ANKRD44: variants seen among roughly 807,000 people sequenced by gnomAD.
ANKRD44 encodes the protein serine/threonine-protein phosphatase 6 regulatory ankyrin repeat subunit B.
Under a neutral mutation model 116.0 loss-of-function variants are expected in ANKRD44, and 35 were observed. The ratio of observed to expected loss-of-function variants is 0.30; its 90% CI spans 0.23 to 0.40. The LOEUF (loss-of-function observed/expected upper bound fraction) is 0.40. ANKRD44 is among the 10% of genes least tolerant of loss of function. The pLI is 1.00. For synonymous variants in ANKRD44, 435 were observed against 461.8 expected, an observed-to-expected ratio of 0.94 and a Z score of 0.74; for missense variants, 1,014 against 1,242.6, an observed-to-expected ratio of 0.82 and a Z score of 2.77.
Position 197,219,553 on chromosome 2 carries a change from T to C in ANKRD44, c.28-32447A>G, listed in dbSNP as rs530160096. ...ATTCCTGACTAATAAATGCATCATATACATTAGTAAAGGTAAGAAATTCAG... is the reference window on the plus strand; with the variant it reads ...ATTCCTGACTAATAAATGCATCATACACATTAGTAAAGGTAAGAAATTCAG... On this transcript the variant is annotated intron_variant, in intron 1 of 27. Transcript: ENST00000282272. Among the ~76,000 whole-genome samples, 5 of 152,284 alleles carry C rather than the reference T, an allele frequency of 3.3e-5. No individual in the cohort carries two copies. The South Asian group carries it at 8.3e-4, about 25-fold the overall frequency.
At chr2:197,121,567 G>C in intron 7 of ANKRD44, 23 bp from the exon 8 acceptor site, 2 of 1,602,334 alleles carry the variant, frequency 1.2e-6, no homozygotes, top group Non-Finnish European at 1.7e-6. Flanking sequence ...CCAACACAGG[G>C]TGATTAAAGT....
chr2:197,305,168 C>G (rs554023881), intron 1 of ANKRD44, among the ~76,000 whole-genome samples: 1 of 151,858 alleles, frequency 6.6e-6, no homozygotes, highest in Non-Finnish European at 1.5e-5. Context: ...AATGTTGTTT[C>G]ATACATGATG....
At chr2:197,103,856 T>C (rs996718289) in intron 9 of ANKRD44, among the ~76,000 whole-genome samples, 2 of 152,186 alleles carry the variant, frequency 1.3e-5, no homozygotes, top group African/African-American at 4.8e-5. Context: ...TGTGTAGAAT[T>C]TTCCCATGGT....
chr2:197,102,777 A>G (rs1392505636), intron 9 of ANKRD44, among the ~76,000 whole-genome samples: 3 of 152,250 alleles, frequency 2.0e-5, no homozygotes, highest in Non-Finnish European at 4.4e-5. Context: ...CCTCAAACAT[A>G]CAAACAAACT....
At chr2:197,104,423 C>T (rs149911214) in intron 9 of ANKRD44, among the ~76,000 whole-genome samples, 258 of 152,296 alleles carry the variant, frequency 1.7e-3, no homozygotes, top group African/African-American at 5.7e-3. Flanking sequence ...ACCCAGGCAG[C>T]AACATTTTTA....
At chr2:197,177,621 T>C (rs2080398826) in intron 2 of ANKRD44, among the ~76,000 whole-genome samples, 1 of 152,164 alleles carries the variant, frequency 6.6e-6, no homozygotes, top group African/African-American at 2.4e-5. Flanking sequence ...TATATTTATA[T>C]AAATTTTTTA....
Position 197,234,194 on chromosome 2 carries a change from AT to A in ANKRD44, c.28-47089del, listed in dbSNP as rs11436827. On this transcript the variant is annotated intron_variant, in intron 1 of 27. Coordinates refer to ENST00000282272, the MANE Select transcript of ANKRD44 (RefSeq NM_001195144.2). ...CTGTATGTGCAGTCATAAGTCATAGATTTTTTTTTTTTTTTTGAGACAGGGA... is the reference window on the plus strand; with the variant it reads ...CTGTATGTGCAGTCATAAGTCATAGATTTTTTTTTTTTTTTGAGACAGGGA... Among the ~76,000 whole-genome samples, 661 of 144,192 alleles carry A rather than the reference AT, an allele frequency of 4.6e-3. 1 individual carries two copies. The highest frequency in any genetic ancestry group is 6.9e-3 in the Middle Eastern group (2 of 288). The allele number at this position is 144,192 out of a possible 152,430, so 94.6% of individuals were successfully genotyped here.
intron 1 of ANKRD44, among the ~76,000 whole-genome samples, chr2:197,214,434 G>A (rs2081393026): frequency 6.6e-6 from 1 of 152,110 alleles, no homozygotes. Context: ...AAAGAATTTT[G>A]TTGCATTAAG....
intron 2 of ANKRD44, among the ~76,000 whole-genome samples, chr2:197,185,118 G>A (rs2080622389): frequency 6.6e-6 from 1 of 152,230 alleles, no homozygotes; most frequent in African/African-American, 2.4e-5. Context: ...TTCCCGTGAT[G>A]TCAGAACACT....
intron 21 of ANKRD44, among the ~76,000 whole-genome samples, chr2:196,970,256 C>A (rs1448464226): frequency 1.3e-5 from 2 of 152,194 alleles, no homozygotes; most frequent in Non-Finnish European, 2.9e-5. Context: ...TCAGCATCTT[C>A]ATATGCTGAG....
At chr2:197,014,891 C>A (rs1053002904) in intron 17 of ANKRD44, 7 of 159,690 alleles carry the variant, frequency 4.4e-5, no homozygotes, top group African/African-American at 1.4e-4. Flanking sequence ...GTATTAGCTG[C>A]CCCCCACCCC....
At chr2:197,007,736 T>C in intron 20 of ANKRD44, 70 bp downstream of exon 20, 2 of 1,045,396 alleles carry the variant, frequency 1.9e-6, no homozygotes, top group South Asian at 1.4e-5. Flanking sequence ...CCCTTTGTAA[T>C]TGTTTGCTAA....
chr2:197,099,664 CTTAAT>C (rs1193865194), intron 10 of ANKRD44, 147 bp downstream of exon 10: 8 of 1,324,650 alleles, frequency 6.0e-6, no homozygotes, highest in Non-Finnish European at 7.7e-6. Flanking sequence ...TTAAAAGGCA[CTTAAT>C]TTATTTAAAA....
chr2:197,265,187 A>C (rs1056110385), intron 1 of ANKRD44, among the ~76,000 whole-genome samples: 6 of 151,782 alleles, frequency 4.0e-5, no homozygotes, highest in African/African-American at 1.5e-4. Context: ...CTTATTTTAG[A>C]CAGAGAAATG....
intron 26 of ANKRD44, chr2:196,994,843 A>T (rs2075985336): frequency 6.6e-6 from 1 of 152,618 alleles, no homozygotes; most frequent in South Asian, 2.1e-4. Flanking sequence ...AAATGAAAAA[A>T]ATTCCTTTGC....
Position 196,989,351 on chromosome 2 carries a change from G to C in ANKRD44, c.*240C>G. ...GGTCAACTAGAAATCTGTGTCCTAA[G>C]AAATATAAAATACAACAAAGACTGG... is the stretch of plus-strand genomic sequence containing the variant. On this transcript the variant is annotated 3_prime_UTR_variant, in exon 28 of 28. Transcript: ENST00000282272. 1 of 1,059,282 alleles carries C rather than the reference G, an allele frequency of 9.4e-7. No individual in the cohort carries two copies. The highest frequency in any genetic ancestry group is 1.1e-6 in the Non-Finnish European group (1 of 878,936). 65.6% of individuals were successfully genotyped at this position (1,059,282 alleles called of 1,614,324 possible). A position where few individuals can be genotyped will look rare whatever the true frequency, so the allele number is the denominator to read the frequency against.
intron 1 of ANKRD44, among the ~76,000 whole-genome samples, chr2:197,298,005 T>C (rs1346329876): frequency 1.3e-5 from 2 of 152,200 alleles, no homozygotes; most frequent in Non-Finnish European, 2.9e-5. Flanking sequence ...TATTCTTAAA[T>C]CTGGACTCCG....
chr2:197,225,610 C>T (rs1049375454), intron 1 of ANKRD44, among the ~76,000 whole-genome samples: 1 of 152,194 alleles, frequency 6.6e-6, no homozygotes, highest in Admixed American at 6.5e-5. Context: ...TGCCAAAGTG[C>T]TGGGATTATA....
intron 1 of ANKRD44, among the ~76,000 whole-genome samples, chr2:197,264,378 G>A (rs1029402071): frequency 6.6e-6 from 1 of 152,204 alleles, no homozygotes; most frequent in African/African-American, 2.4e-5. Flanking sequence ...CTCTCTTGAA[G>A]CACTTTGAAT....
Sources: allele counts gnomAD v4.1 joint callset (sites outside exome capture counted in the v4.1 genomes callset), GRCh38; gene constraint gnomAD v4.1.1; transcripts MANE v1.5; gene names NCBI Gene and HGNC (gene_info 2026-07-23, HGNC 2026-07-21).